Variants in ENTPD3 observed in about 807,000 individuals in gnomAD.
ENTPD3 encodes the protein ectonucleoside triphosphate diphosphohydrolase 3.
ENTPD3 carries 60 observed loss-of-function variants against 51.2 expected under a neutral mutation model. The ratio of observed to expected loss-of-function variants is 1.17; its 90% CI spans 0.95 to 1.45. The LOEUF (loss-of-function observed/expected upper bound fraction) is 1.45. Ranked by LOEUF, ENTPD3 falls within the 40% of genes most tolerant of loss-of-function variation. The probability of loss-of-function intolerance (pLI) is 0.00; values close to 1 mark genes in which losing one functional copy is unlikely to be tolerated. For missense variants in ENTPD3, 593 were observed against 641.1 expected, an observed-to-expected ratio of 0.93 and a Z score of 0.81; for synonymous variants, 221 against 238.4, an observed-to-expected ratio of 0.93 and a Z score of 0.67.
chr3:40,427,909 C>G lies in ENTPD3; in HGVS notation c.*401C>G, dbSNP rs1188754264. ...GGCAAGATACCCATTAAGCATTTCGCCAATCAGAATCTCATTTTATAGTTT... is the reference window on the plus strand; with the variant it reads ...GGCAAGATACCCATTAAGCATTTCGGCAATCAGAATCTCATTTTATAGTTT... On this transcript the variant is annotated 3_prime_UTR_variant, in exon 11 of 11. Transcript: ENST00000301825. 4.8e-6 allele frequency: 1 copy of G among 209,258 alleles called. No individual in the cohort carries two copies. Among genetic ancestry groups the G allele is most frequent in the Non-Finnish European group, 9.8e-6 (1 of 102,504 alleles). 13.0% of individuals were successfully genotyped at this position (209,258 alleles called of 1,614,324 possible).
At chr3:40,400,417 C>T (rs9874499) in intron 3 of ENTPD3, among the ~76,000 whole-genome samples, 49,599 of 151,868 alleles carry the variant, frequency 0.33, 8,466 homozygotes, top group East Asian at 0.58. Context: ...ATTCATTTTC[C>T]GTCTGAGACG....
chr3:40,410,629 T>C (rs1241306221), intron 4 of ENTPD3, among the ~76,000 whole-genome samples: 2 of 152,148 alleles, frequency 1.3e-5, no homozygotes, highest in Non-Finnish European at 2.9e-5. Context: ...TGATCAAGCC[T>C]CTACATTCAG....
chr3:40,423,831 A>C lies in ENTPD3; in HGVS notation c.1221A>C (p.Pro407=). 5.6e-6 allele frequency: 9 copies of C among 1,613,934 alleles called. No homozygotes were observed. Among genetic ancestry groups the C allele is most frequent in the Non-Finnish European group, 7.6e-6 (9 of 1,179,916 alleles). The change falls in exon 10 of 11, where the codon CCA becomes CCC. Residue 407 remains proline, a synonymous_variant. Coordinates refer to ENST00000301825, the MANE Select transcript of ENTPD3 (RefSeq NM_001248.4). ...NFCSQNWSQL[P]LLLPKFDEVY... is the part of the protein sequence containing the mutation. The stretch of plus-strand genomic sequence containing the variant: ...AGATGTTTTAAACCTTTCAGCTCCC[A>C]CTGCTGCTCCCCAAATTTGATGAGG...
chr3:40,392,773 T>C (rs1955094323), intron 3 of ENTPD3, among the ~76,000 whole-genome samples: 1 of 151,796 alleles, frequency 6.6e-6, no homozygotes, highest in East Asian at 1.9e-4. Context: ...CTGGGCAATA[T>C]AGAGAGACTC....
chr3:40,388,306 T>C (rs1388473721), intron 2 of ENTPD3, among the ~76,000 whole-genome samples: 2 of 152,188 alleles, frequency 1.3e-5, no homozygotes, highest in African/African-American at 4.8e-5. Context: ...AGGACTAACA[T>C]GCATGTTTCA....
chr3:40,392,291 C>T (rs932464668), intron 3 of ENTPD3, 141 bp downstream of exon 3: 13 of 978,612 alleles, frequency 1.3e-5, no homozygotes, highest in South Asian at 3.4e-5. Context: ...TAGTGTAAGA[C>T]GCAAGGGAGA....
chr3:40,414,389 C>T lies in ENTPD3; in HGVS notation c.438-292C>T, dbSNP rs1357249432. Among the ~76,000 whole-genome samples, 2 of 152,190 alleles carry T rather than the reference C, an allele frequency of 1.3e-5. 1 individual carries two copies. The highest frequency in any genetic ancestry group is 4.1e-4 in the South Asian group (2 of 4,820). On this transcript the variant is annotated intron_variant, in intron 5 of 10. Transcript: ENST00000301825. ...AGAGCAATGGCAGTTAAATAGGAGG[C>T]TCTTTTGATACATGAACAGATGAGA...
Position 40,423,919 on chromosome 3 carries a change from A to G in ENTPD3, c.1309A>G (p.Lys437Glu), listed in dbSNP as rs746017542. 8.7e-5 allele frequency: 140 copies of G among 1,614,060 alleles called. No individual in the cohort carries two copies. The Middle Eastern group carries it at 1.6e-3, about 19-fold the overall frequency. The change falls in exon 10 of 11, where the codon AAA becomes GAA. Residue 437 changes from lysine (K) to glutamate (E), a missense_variant. Coordinates refer to ENST00000301825, the MANE Select transcript of ENTPD3 (RefSeq NM_001248.4). ...CTACCACTTGTTTGTGAACGGTTAC[A>G]AATTCACAGAGGAGACTTGGCCCCA... Reference protein sequence around the residue: ...YIYHLFVNGYKFTEETWPQIH... With the variant: ...YIYHLFVNGYEFTEETWPQIH...
rs765438273 is a variant in ENTPD3, at chr3:40,401,605, C to T, written c.286+594C>T. On this transcript the variant is annotated intron_variant, in intron 4 of 10. Coordinates refer to ENST00000301825, the MANE Select transcript of ENTPD3 (RefSeq NM_001248.4). ...AAGGAGTAGTCCTGTGTATTGATGG[C>T]GAGGCAGACAGAGAATGACAATATG... Among the ~76,000 whole-genome samples, 88 of 152,212 alleles carry T rather than the reference C, an allele frequency of 5.8e-4. No individual in the cohort carries two copies. In the Middle Eastern group the frequency reaches 0.014, roughly 24 times the overall value.
chr3:40,391,787 A>C, intron 2 of ENTPD3: 6 of 561,640 alleles, frequency 1.1e-5, no homozygotes, highest in South Asian at 9.8e-5. Context: ...CCTCCCTGCA[A>C]CACTGTTTTA....
intron 4 of ENTPD3, among the ~76,000 whole-genome samples, chr3:40,402,273 C>T (rs1468584535): frequency 1.3e-5 from 2 of 151,724 alleles, no homozygotes; most frequent in East Asian, 3.9e-4. Flanking sequence ...TGCCTGCCAC[C>T]ACGCCTGGCT....
chr3:40,410,395 C>G (rs747659184), intron 4 of ENTPD3, among the ~76,000 whole-genome samples: 26 of 147,438 alleles, frequency 1.8e-4, no homozygotes, highest in Non-Finnish European at 4.5e-5. Context: ...GAGCCGAGAT[C>G]ACACCAACTG....
chr3:40,422,479 G>A (rs1451412117), intron 7 of ENTPD3, among the ~76,000 whole-genome samples: 3 of 150,964 alleles, frequency 2.0e-5, no homozygotes, highest in Non-Finnish European at 4.4e-5. Flanking sequence ...TTAGCATTAG[G>A]TATATCTCCT....
Position 40,400,986 on chromosome 3 carries a change from T to C in ENTPD3, c.261T>C (p.Ser87=), listed in dbSNP as rs530209145. ...AAGAGAATAATACCGGAGTGGTCAGTCAAACCTTCAAATGTAGTGTGAAAG... is the reference window on the plus strand; with the variant it reads ...AAGAGAATAATACCGGAGTGGTCAGCCAAACCTTCAAATGTAGTGTGAAAG... ...AEKENNTGVV[S]QTFKCSVKGS... Residue 87 remains serine, a synonymous_variant, in exon 4 of 11, where the codon AGT becomes AGC. Transcript: ENST00000301825. 61 of 1,613,688 alleles carry C rather than the reference T, an allele frequency of 3.8e-5. No individual in the cohort carries two copies. In the African/African-American group the frequency reaches 6.1e-4, roughly 16 times the overall value.
In ENTPD3 at chr3:40,428,730, C is replaced by T. The variant is rs1326510101; in HGVS notation, c.*1222C>T. 1 of 152,080 alleles carries T rather than the reference C, an allele frequency of 6.6e-6. No homozygotes were observed. Among genetic ancestry groups the T allele is most frequent in the Non-Finnish European group, 1.5e-5 (1 of 68,026 alleles). The allele number at this position is 152,080 out of a possible 1,614,324, so 9.4% of individuals were successfully genotyped here. On this transcript the variant is annotated 3_prime_UTR_variant, in exon 11 of 11. Transcript: ENST00000301825. ...TCCCTAGCAAATTAAGAAACCCATT[C>T]ATTAATATCACCTTTATTCCAGAGA...
intron 4 of ENTPD3, among the ~76,000 whole-genome samples, chr3:40,408,512 G>C (rs925367589): frequency 6.6e-6 from 1 of 152,154 alleles, no homozygotes; most frequent in Non-Finnish European, 1.5e-5. Context: ...AAAGAATTAA[G>C]ACTAATGTGA....
chr3:40,427,780 T>C lies in ENTPD3; in HGVS notation c.*272T>C, dbSNP rs1215008578. The C allele has an allele frequency of 1.5e-5, 7 of 463,504 alleles. No individual in the cohort carries two copies. Among genetic ancestry groups the C allele is most frequent in the Non-Finnish European group, 2.7e-5 (7 of 255,778 alleles). The allele number at this position is 463,504 out of a possible 1,614,324, so 28.7% of individuals were successfully genotyped here. On this transcript the variant is annotated 3_prime_UTR_variant, in exon 11 of 11. Coordinates refer to ENST00000301825, the MANE Select transcript of ENTPD3 (RefSeq NM_001248.4). ...CAGGCCACGAAGGTCAGGCTCTTTA[T>C]ATTAAGTTCCCCAGAGGAAGAGTAA...
chr3:40,427,269 C>T lies in ENTPD3; in HGVS notation c.1354-3C>T. 3.1e-6 allele frequency: 5 copies of T among 1,613,042 alleles called. No individual in the cohort carries two copies. Among genetic ancestry groups the T allele is most frequent in the Non-Finnish European group, 3.4e-6 (4 of 1,179,024 alleles). On this transcript the variant is annotated splice_polypyrimidine_tract_variant and splice_region_variant and intron_variant, in intron 10 of 10. Transcript: ENST00000301825. Reference sequence around the variant, plus strand: ...GCGCTGAGCCATCTCCTCTACTCCACAGGTGGGGAATAGCAGCATAGCCTG... The same window carrying T: ...GCGCTGAGCCATCTCCTCTACTCCATAGGTGGGGAATAGCAGCATAGCCTG...
intron 10 of ENTPD3, among the ~76,000 whole-genome samples, chr3:40,424,523 G>T (rs1432341594): frequency 6.6e-6 from 1 of 151,766 alleles, no homozygotes; most frequent in African/African-American, 2.4e-5. Flanking sequence ...TGGGGGATGG[G>T]GAAGATATTC....
Sources: gnomAD v4.1 joint callset for allele counts (sites outside exome capture counted in the v4.1 genomes callset) on GRCh38, gnomAD v4.1.1 for gene constraint, MANE v1.5 for transcripts, NCBI Gene and HGNC (gene_info 2026-07-23, HGNC 2026-07-21) for gene names.